Variants in LRRC4C observed in about 807,000 individuals in gnomAD.
LRRC4C encodes leucine rich repeat containing 4C.
LRRC4C carries 5 observed loss-of-function variants against 33.6 expected under a neutral mutation model. That is an observed-to-expected ratio of 0.15 (90% confidence interval 0.08 to 0.31). The LOEUF (loss-of-function observed/expected upper bound fraction) is 0.31, where lower values mean the gene tolerates loss of function less well. LRRC4C is among the 10% of genes least tolerant of loss of function. The probability of loss-of-function intolerance (pLI) is 1.00; values close to 1 mark genes in which losing one functional copy is unlikely to be tolerated. For synonymous variants in LRRC4C, 329 were observed against 302.0 expected (o/e 1.09, Z -0.93); for missense variants, 560 against 796.7 (o/e 0.70, Z 3.58).
At chr11:40,290,935 C>T (rs910334747) in intron 4 of LRRC4C, among the ~76,000 whole-genome samples, 1 of 152,200 alleles carries the variant, frequency 6.6e-6, no homozygotes, top group African/African-American at 2.4e-5. Context: ...ACAGGAGTAG[C>T]CAGGCTATGT....
chr11:41,216,939 T>C (rs1322704985), intron 1 of LRRC4C, among the ~76,000 whole-genome samples: 1 of 152,182 alleles, frequency 6.6e-6, no homozygotes, highest in Non-Finnish European at 1.5e-5. Flanking sequence ...TATTCAAACT[T>C]ATGCTCTTTT....
chr11:40,823,886 T>C (rs1011213453), intron 2 of LRRC4C, among the ~76,000 whole-genome samples: 7 of 151,870 alleles, frequency 4.6e-5, no homozygotes, highest in African/African-American at 1.7e-4. Flanking sequence ...ACAATGTTCA[T>C]AGCAGCATGA....
At chr11:41,210,640 C>T (rs967990519) in intron 1 of LRRC4C, among the ~76,000 whole-genome samples, 3 of 152,096 alleles carry the variant, frequency 2.0e-5, no homozygotes, top group African/African-American at 7.2e-5. Flanking sequence ...TGAATATGAA[C>T]ATAAGGCTCT....
chr11:41,180,500 T>C (rs1053363488), intron 1 of LRRC4C, among the ~76,000 whole-genome samples: 5 of 152,304 alleles, frequency 3.3e-5, no homozygotes, highest in South Asian at 2.1e-4. Context: ...CTAACTCACA[T>C]TTAAAACAAA....
At chr11:41,020,593 T>C (rs1855891456) in intron 1 of LRRC4C, among the ~76,000 whole-genome samples, 2 of 152,236 alleles carry the variant, frequency 1.3e-5, no homozygotes, top group South Asian at 4.2e-4. Context: ...CAAGTATTGC[T>C]AGCAGCCCCC....
intron 3 of LRRC4C, among the ~76,000 whole-genome samples, chr11:40,532,067 A>G (rs1043299292): frequency 1.3e-5 from 2 of 149,620 alleles, no homozygotes; most frequent in African/African-American, 5.0e-5. Flanking sequence ...ACAATCTCAT[A>G]AACTAGAAAC....
chr11:40,603,177 G>A (rs1960205622), intron 3 of LRRC4C, among the ~76,000 whole-genome samples: 1 of 152,184 alleles, frequency 6.6e-6, no homozygotes, highest in Non-Finnish European at 1.5e-5. Flanking sequence ...AACACCAAAT[G>A]TGTAATTATG....
intron 3 of LRRC4C, among the ~76,000 whole-genome samples, chr11:40,534,167 G>T (rs1029153329): frequency 1.3e-5 from 2 of 151,966 alleles, no homozygotes; most frequent in Non-Finnish European, 2.9e-5. Context: ...CAGAATGGTT[G>T]GGACAATGAG....
At chr11:41,186,285 T>C (rs1945692214) in intron 1 of LRRC4C, among the ~76,000 whole-genome samples, 1 of 152,134 alleles carries the variant, frequency 6.6e-6, no homozygotes, top group Admixed American at 6.5e-5. Context: ...TATGCCTCAG[T>C]AGAGAAGTGG....
chr11:40,330,690 G>C (rs1029142203), intron 3 of LRRC4C, among the ~76,000 whole-genome samples: 5 of 152,074 alleles, frequency 3.3e-5, no homozygotes, highest in Admixed American at 3.3e-4. Flanking sequence ...AAAACCATCA[G>C]ATCTCGTGAG....
intron 1 of LRRC4C, among the ~76,000 whole-genome samples, chr11:41,398,939 T>A (rs1001467243): frequency 6.6e-6 from 1 of 151,954 alleles, no homozygotes; most frequent in Non-Finnish European, 1.5e-5. Flanking sequence ...CTTGTAAGGC[T>A]TAATGACTAC....
At chr11:40,795,938 A>G (rs1950806008) in intron 2 of LRRC4C, among the ~76,000 whole-genome samples, 1 of 152,182 alleles carries the variant, frequency 6.6e-6, no homozygotes, top group Admixed American at 6.5e-5. Context: ...GCCAAAGAGA[A>G]CTAATAATTG....
intron 1 of LRRC4C, among the ~76,000 whole-genome samples, chr11:41,262,899 C>T (rs1165482274): frequency 1.3e-5 from 2 of 152,080 alleles, no homozygotes; most frequent in Admixed American, 1.3e-4. Context: ...GGGGAGAATG[C>T]TGCCTAATAT....
At chr11:40,842,493 T>C (rs1952956493) in intron 2 of LRRC4C, among the ~76,000 whole-genome samples, 1 of 152,206 alleles carries the variant, frequency 6.6e-6, no homozygotes, top group Non-Finnish European at 1.5e-5. Context: ...ATGGTTACAT[T>C]GAGCTAATTT....
intron 1 of LRRC4C, among the ~76,000 whole-genome samples, chr11:41,304,172 G>A (rs1360762183): frequency 3.7e-3 from 205 of 55,840 alleles, no homozygotes; most frequent in Admixed American, 4.1e-3. Context: ...GGAGGGAGGT[G>A]GGGGGGTCAG....
chr11:40,424,348 C>G (rs16934820), intron 3 of LRRC4C, among the ~76,000 whole-genome samples: 3,938 of 152,104 alleles, frequency 0.026, 160 homozygotes, highest in African/African-American at 0.09. Flanking sequence ...TATTGAAGAG[C>G]CTTAAAAACT....
At chr11:40,630,330 C>CCTCTTCTTCT (rs1963346898) in intron 3 of LRRC4C, among the ~76,000 whole-genome samples, 2 of 135,536 alleles carry the variant, frequency 1.5e-5, no homozygotes, top group African/African-American at 5.6e-5. Context: ...TTTCTTCTTC[C>CCTCTTCTTCT]TCTTCTTCTT....
intron 2 of LRRC4C, among the ~76,000 whole-genome samples, chr11:40,677,661 G>A (rs183262467): frequency 6.6e-6 from 1 of 152,000 alleles, no homozygotes; most frequent in African/African-American, 2.4e-5. Context: ...TCTTAATAAC[G>A]AAACTGCCAA....
chr11:41,355,123 G>C (rs1952114932), intron 1 of LRRC4C, among the ~76,000 whole-genome samples: 1 of 151,804 alleles, frequency 6.6e-6, no homozygotes. Context: ...GAATGTACAA[G>C]GAACTCAAAC....
Sources: allele counts gnomAD v4.1 joint callset (sites outside exome capture counted in the v4.1 genomes callset), GRCh38; gene constraint gnomAD v4.1.1; transcripts MANE v1.5; gene names NCBI Gene and HGNC (gene_info 2026-07-23, HGNC 2026-07-21).